The following BCKDHB variants were observed in gnomAD, a reference collection of about 807,000 sequenced individuals.
BCKDHB encodes the protein 2-oxoisovalerate dehydrogenase subunit beta, mitochondrial.
In BCKDHB, 41 loss-of-function variants were observed where a neutral mutation model predicts 48.5. That is an observed-to-expected ratio of 0.85 (90% confidence interval 0.66 to 1.10). The LOEUF (loss-of-function observed/expected upper bound fraction) is 1.10. BCKDHB is among the 50% of genes least tolerant of loss of function. The pLI is 0.00. For missense variants in BCKDHB, 496 were observed against 494.2 expected (o/e 1.00, Z -0.03); for synonymous variants, 201 against 174.8 (o/e 1.15, Z -1.18).
intron 8 of BCKDHB, among the ~76,000 whole-genome samples, chr6:80,247,516 G>T (rs1029864810): frequency 6.6e-6 from 1 of 152,202 alleles, no homozygotes; most frequent in Non-Finnish European, 1.5e-5. Context: ...ATTAGATGTA[G>T]AAGGGAAACT....
chr6:80,275,715 T>C (rs1178076096), intron 9 of BCKDHB, among the ~76,000 whole-genome samples: 2 of 151,918 alleles, frequency 1.3e-5, no homozygotes, highest in Non-Finnish European at 2.9e-5. Flanking sequence ...TAATTTTGAG[T>C]AATCTGAGTA....
downstream of BCKDHB, among the ~76,000 whole-genome samples, chr6:80,347,795 C>CA (rs1770276432): frequency 6.6e-6 from 1 of 152,122 alleles, no homozygotes; most frequent in Non-Finnish European, 1.5e-5. Flanking sequence ...ACACTAAACT[C>CA]AATCTATGGC....
chr6:80,322,873 ATTC>A (rs1054616294), intron 9 of BCKDHB, among the ~76,000 whole-genome samples: 14 of 141,738 alleles, frequency 9.9e-5, no homozygotes, highest in African/African-American at 2.9e-4. Flanking sequence ...TCTCCTAATG[ATTC>A]TTCTTTTTTT....
intron 3 of BCKDHB, among the ~76,000 whole-genome samples, chr6:80,150,760 T>C (rs939821298): frequency 6.6e-6 from 1 of 152,092 alleles, no homozygotes; most frequent in Admixed American, 6.6e-5. Context: ...TTTCACCATG[T>C]TGGCCACACT....
chr6:80,413,937 T>A, the BCKDHB span, among the ~76,000 whole-genome samples: 4 of 152,242 alleles, frequency 2.6e-5, no homozygotes, highest in Admixed American at 2.0e-4. Context: ...GGCATTCATT[T>A]TTCTCTGCAA....
the BCKDHB span, among the ~76,000 whole-genome samples, chr6:80,421,455 A>G: frequency 6.6e-6 from 1 of 152,248 alleles, no homozygotes; most frequent in Non-Finnish European, 1.5e-5. Context: ...GGTGGAAGCA[A>G]CTTTGAAACT....
chr6:80,195,407 T>A (rs1468340577), intron 6 of BCKDHB, among the ~76,000 whole-genome samples: 1 of 152,140 alleles, frequency 6.6e-6, no homozygotes, highest in Non-Finnish European at 1.5e-5. Flanking sequence ...TAACAGTTGG[T>A]ATAGAAGTGA....
At chr6:80,294,030 A>G (rs1047890153) in intron 9 of BCKDHB, among the ~76,000 whole-genome samples, 11 of 152,176 alleles carry the variant, frequency 7.2e-5, no homozygotes, top group Admixed American at 2.6e-4. Context: ...ACTTTCCCAC[A>G]TTTTCCTGTC....
the BCKDHB span, among the ~76,000 whole-genome samples, chr6:80,357,336 A>G: frequency 6.6e-6 from 1 of 152,130 alleles, no homozygotes; most frequent in Non-Finnish European, 1.5e-5. Context: ...CCATAAAGGA[A>G]AAAGCACAGC....
the BCKDHB span, among the ~76,000 whole-genome samples, chr6:80,407,453 G>A: frequency 2.6e-5 from 4 of 152,102 alleles, no homozygotes; most frequent in South Asian, 4.2e-4. Context: ...TGGGCAGTAT[G>A]GCCATTTTCA....
chr6:80,316,452 C>A (rs1361469802), intron 9 of BCKDHB, among the ~76,000 whole-genome samples: 2 of 152,012 alleles, frequency 1.3e-5, no homozygotes, highest in East Asian at 3.9e-4. Context: ...ATAAAATATA[C>A]TCCTTTTCAT....
chr6:80,313,764 A>G (rs368438976), intron 9 of BCKDHB, among the ~76,000 whole-genome samples: 2 of 152,166 alleles, frequency 1.3e-5, no homozygotes, highest in African/African-American at 2.4e-5. Context: ...TTTTCAGTTC[A>G]TCTTTGATCT....
intron 8 of BCKDHB, among the ~76,000 whole-genome samples, chr6:80,235,011 ATAG>A (rs1776090400): frequency 2.0e-5 from 3 of 152,186 alleles, no homozygotes; most frequent in African/African-American, 7.2e-5. Flanking sequence ...GAGTCAGCAA[ATAG>A]TAGGGGGAGT....
At chr6:80,424,169 A>C in the BCKDHB span, among the ~76,000 whole-genome samples, 3 of 152,160 alleles carry the variant, frequency 2.0e-5, no homozygotes, top group Non-Finnish European at 4.4e-5. Flanking sequence ...CAGTGTTATC[A>C]AGAATTTTTA....
At chr6:80,294,417 G>A (rs1767112528) in intron 9 of BCKDHB, among the ~76,000 whole-genome samples, 1 of 152,164 alleles carries the variant, frequency 6.6e-6, no homozygotes, top group Non-Finnish European at 1.5e-5. Flanking sequence ...CAGAATAACA[G>A]TGACTTTTAG....
the BCKDHB span, among the ~76,000 whole-genome samples, chr6:80,439,726 A>G: frequency 6.6e-6 from 1 of 152,246 alleles, no homozygotes; most frequent in African/African-American, 2.4e-5. Flanking sequence ...TAGAAATAAA[A>G]TGCACCAAAT....
intron 9 of BCKDHB, among the ~76,000 whole-genome samples, chr6:80,280,526 A>G (rs1582495101): frequency 6.6e-6 from 1 of 152,204 alleles, no homozygotes; most frequent in African/African-American, 2.4e-5. Flanking sequence ...TGGAGCATAA[A>G]TAGAAACCTA....
chr6:80,377,408 T>G, the BCKDHB span, among the ~76,000 whole-genome samples: 1 of 151,914 alleles, frequency 6.6e-6, no homozygotes, highest in African/African-American at 2.4e-5. Flanking sequence ...CATAGGTAAG[T>G]TTTTTTTGCC....
intron 3 of BCKDHB, among the ~76,000 whole-genome samples, chr6:80,146,249 T>G (rs994271265): frequency 6.6e-6 from 1 of 152,032 alleles, no homozygotes; most frequent in African/African-American, 2.4e-5. Context: ...TTTAAGGAAA[T>G]CATAGTATAC....
Sources: gnomAD v4.1 joint callset for allele counts (sites outside exome capture counted in the v4.1 genomes callset) on GRCh38, gnomAD v4.1.1 for gene constraint, MANE v1.5 for transcripts, NCBI Gene and HGNC (gene_info 2026-07-23, HGNC 2026-07-21) for gene names.